The following EPB41L4A variants were observed in gnomAD, a reference collection of about 807,000 sequenced individuals.
EPB41L4A encodes band 4.1-like protein 4A.
In EPB41L4A, 100 loss-of-function variants were observed where a neutral mutation model predicts 108.6. The ratio of observed to expected loss-of-function variants is 0.92; its 90% CI spans 0.78 to 1.09. The LOEUF is 1.09. Among genes scored for constraint, EPB41L4A ranks in the 50% least tolerant of loss-of-function variants. The probability of loss-of-function intolerance (pLI) is 0.00; values close to 1 mark genes in which losing one functional copy is unlikely to be tolerated. For synonymous variants in EPB41L4A, 319 were observed against 289.0 expected (o/e 1.10, Z -1.05); for missense variants, 1,030 against 842.7 (o/e 1.22, Z -2.75).
chr5:112,331,059 G>T (rs1005951854), intron 1 of EPB41L4A, among the ~76,000 whole-genome samples: 11 of 152,116 alleles, frequency 7.2e-5, no homozygotes, highest in Non-Finnish European at 1.6e-4. Context: ...ACCCAAAATG[G>T]TAAGGAAGCC....
chr5:112,168,432 G>A (rs999326314), intron 22 of EPB41L4A, among the ~76,000 whole-genome samples: 14 of 152,052 alleles, frequency 9.2e-5, no homozygotes, highest in Admixed American at 3.3e-4. Context: ...TGTTACTATC[G>A]CTTTTTAATT....
intron 2 of EPB41L4A, among the ~76,000 whole-genome samples, chr5:112,298,380 G>A (rs1211322077): frequency 6.6e-6 from 1 of 151,958 alleles, no homozygotes. Context: ...TTTTGCTGAG[G>A]GTTTTAATCA....
intron 4 of EPB41L4A, among the ~76,000 whole-genome samples, chr5:112,275,028 G>T (rs541333794): frequency 1.3e-5 from 2 of 152,100 alleles, no homozygotes; most frequent in Non-Finnish European, 2.9e-5. Context: ...AAATAACTTC[G>T]ATATGAATAC....
At chr5:112,375,787 CT>C (rs1431955086) in intron 1 of EPB41L4A, among the ~76,000 whole-genome samples, 3 of 152,134 alleles carry the variant, frequency 2.0e-5, no homozygotes, top group African/African-American at 7.2e-5. Context: ...TGACGATGAT[CT>C]GCTGGTAGAT....
chr5:112,190,026 C>T (rs552184985), intron 17 of EPB41L4A, among the ~76,000 whole-genome samples: 83 of 152,214 alleles, frequency 5.5e-4, no homozygotes, highest in African/African-American at 1.9e-3. Flanking sequence ...CAGCAATAAG[C>T]GAGCTGCTGG....
chr5:112,291,815 C>T (rs1283581081), intron 2 of EPB41L4A, among the ~76,000 whole-genome samples: 1 of 152,206 alleles, frequency 6.6e-6, no homozygotes, highest in Non-Finnish European at 1.5e-5. Flanking sequence ...TGCCCCGTTC[C>T]CCCATACCTC....
intron 1 of EPB41L4A, among the ~76,000 whole-genome samples, chr5:112,309,023 G>C (rs1478784332): frequency 6.6e-6 from 1 of 152,156 alleles, no homozygotes; most frequent in Non-Finnish European, 1.5e-5. Flanking sequence ...CTAACCCAAA[G>C]TTTATGAGCA....
intron 3 of EPB41L4A, among the ~76,000 whole-genome samples, chr5:112,276,234 T>G (rs1360241251): frequency 6.6e-6 from 1 of 152,198 alleles, no homozygotes; most frequent in Admixed American, 6.5e-5. Context: ...AAAACCTTTC[T>G]CATCTCATTA....
intron 1 of EPB41L4A, among the ~76,000 whole-genome samples, chr5:112,319,989 C>T (rs1188660917): frequency 2.0e-5 from 3 of 152,174 alleles, no homozygotes; most frequent in Admixed American, 6.5e-5. Flanking sequence ...TGTGGTAAAA[C>T]GTAAGCAACT....
chr5:112,142,427 C>A (rs893045164), downstream of EPB41L4A: 7 of 152,164 alleles, frequency 4.6e-5, no homozygotes, highest in Non-Finnish European at 7.3e-5. Context: ...TCAAATGATA[C>A]TGTGCTACAA....
chr5:112,376,823 G>A (rs1344929013), intron 1 of EPB41L4A, among the ~76,000 whole-genome samples: 1 of 151,924 alleles, frequency 6.6e-6, no homozygotes, highest in Non-Finnish European at 1.5e-5. Flanking sequence ...TGACATTCTT[G>A]AAATAAAATT....
At chr5:112,275,110 A>G in intron 4 of EPB41L4A, 1 of 458,184 alleles carries the variant, frequency 2.2e-6, no homozygotes, top group Non-Finnish European at 3.8e-6. Context: ...ATGTATCATC[A>G]TGTCACCCAG....
intron 2 of EPB41L4A, among the ~76,000 whole-genome samples, chr5:112,300,556 GCTTTTGCCTCAC>G: frequency 2.6e-5 from 4 of 152,128 alleles, no homozygotes; most frequent in Non-Finnish European, 5.9e-5. Context: ...ATTACCTAAT[GCTTTTGCCTCAC>G]AGCTACTAAG....
intron 1 of EPB41L4A, among the ~76,000 whole-genome samples, chr5:112,319,277 T>C (rs1037258144): frequency 6.6e-6 from 1 of 151,496 alleles, no homozygotes; most frequent in Non-Finnish European, 1.5e-5. Context: ...ACAAAAAAAA[T>C]GATAGTGTCA....
At chr5:112,282,357 T>C (rs1753016171) in intron 2 of EPB41L4A, among the ~76,000 whole-genome samples, 1 of 152,174 alleles carries the variant, frequency 6.6e-6, no homozygotes, top group South Asian at 2.1e-4. Context: ...GGTTTTACTA[T>C]CCCCTGAATT....
intron 1 of EPB41L4A, among the ~76,000 whole-genome samples, chr5:112,379,897 A>C (rs1200873876): frequency 6.6e-6 from 1 of 152,232 alleles, no homozygotes; most frequent in Admixed American, 6.5e-5. Context: ...AGACACTATG[A>C]GCCACCTTTT....
chr5:112,289,050 T>C (rs1201859843), intron 2 of EPB41L4A, among the ~76,000 whole-genome samples: 4 of 152,152 alleles, frequency 2.6e-5, no homozygotes, highest in African/African-American at 9.7e-5. Flanking sequence ...TATTAAAACA[T>C]GTCTTTAAAT....
At chr5:112,418,883 T>C (rs924960953) in intron 1 of EPB41L4A, 58 bp downstream of exon 1, 3 of 1,396,064 alleles carry the variant, frequency 2.1e-6, no homozygotes, top group East Asian at 4.7e-5. Flanking sequence ...CTCAAAGCGA[T>C]GGACCCCCGC....
At chr5:112,314,940 A>T (rs1755336969) in intron 1 of EPB41L4A, among the ~76,000 whole-genome samples, 1 of 152,236 alleles carries the variant, frequency 6.6e-6, no homozygotes, top group African/African-American at 2.4e-5. Flanking sequence ...GACTTTCTGA[A>T]ATCAATAAAT....
Sources: gnomAD v4.1 joint callset for allele counts (sites outside exome capture counted in the v4.1 genomes callset) on GRCh38, gnomAD v4.1.1 for gene constraint, MANE v1.5 for transcripts, NCBI Gene and HGNC (gene_info 2026-07-23, HGNC 2026-07-21) for gene names.